Variants in NR0B2 observed in about 807,000 individuals in gnomAD.
NR0B2 encodes nuclear receptor subfamily 0 group B member 2.
In NR0B2, 17 loss-of-function variants were observed where a neutral mutation model predicts 18.9. The ratio of observed to expected loss-of-function variants is 0.90; its 90% CI spans 0.62 to 1.35. NR0B2 has a LOEUF of 1.35. Ranked by LOEUF, NR0B2 falls within the 40% of genes most tolerant of loss-of-function variation. The probability of loss-of-function intolerance (pLI) is 0.00; values close to 1 mark genes in which losing one functional copy is unlikely to be tolerated. For missense variants in NR0B2, 312 were observed against 333.3 expected, an observed-to-expected ratio of 0.94 and a Z score of 0.50; for synonymous variants, 116 against 138.5, an observed-to-expected ratio of 0.84 and a Z score of 1.14.
Position 26,913,558 on chromosome 1 carries a change from C to T in NR0B2, c.383G>A (p.Ser128Asn). 6.2e-7 allele frequency: 1 copy of T among 1,614,154 alleles called. No individual in the cohort carries two copies. ...TGGCAGTTGGCCACTGCCTCCACTG[C>T]TGCTGGGCTCCTCCAGCAGAATCTT... ...LKKILLEEPS[S>N]SGGSGQLPDR... Residue 128 changes from serine (S) to asparagine (N), a missense_variant, in exon 1 of 2, where the codon AGC becomes AAC. By Grantham distance (46) the Ser-to-Asn change is conservative. Coordinates refer to ENST00000254227, the MANE Select transcript of NR0B2 (RefSeq NM_021969.3).
At position 26,913,593 on chromosome 1, in the gene NR0B2, G is replaced by C; in HGVS notation, c.348C>G (p.Ser116Arg). Residue 116 changes from serine (S) to arginine (R), a missense_variant, in exon 1 of 2, where the codon AGC (serine) becomes AGG (arginine). Physicochemically the swap from Ser to Arg is moderately radical, Grantham distance 110. Transcript: ENST00000254227. Reference protein sequence around the residue: ...TFEVAEAPVPSILKKILLEEP... With the variant: ...TFEVAEAPVPRILKKILLEEP... ...CCTCCAGCAGAATCTTCTTGAGTAT[G>C]CTGGGCACCGGGGCCTCAGCCACCT... The C allele has an allele frequency of 6.2e-7, 1 of 1,614,084 alleles. No homozygotes were observed. The highest frequency in any genetic ancestry group is 8.5e-7 in the Non-Finnish European group (1 of 1,180,008).
Position 26,911,944 on chromosome 1 carries a change from C to G in NR0B2, c.675G>C (p.Lys225Asn). ...TRVLLTASTL[K>N]SIPTSLLGDL... is the part of the protein sequence containing the mutation. ...CCCCAAGCAGGCTGGTCGGAATGGA[C>G]TTGAGGGTGGAGGCCGTGAGGAGGA... Residue 225 changes from lysine to asparagine, a missense_variant, in exon 2 of 2, where the codon AAG becomes AAC. Transcript: ENST00000254227. The G allele has an allele frequency of 6.2e-7, 1 of 1,614,202 alleles. No homozygotes were observed. The highest frequency in any genetic ancestry group is 1.3e-5 in the African/African-American group (1 of 75,056).
Position 26,913,420 on chromosome 1 carries a change from AG to A in NR0B2, c.520del (p.Leu174SerfsTer41). The A allele has an allele frequency of 6.2e-7, 1 of 1,614,076 alleles. No individual in the cohort carries two copies. Among genetic ancestry groups the A allele is most frequent in the Non-Finnish European group, 8.5e-7 (1 of 1,179,988 alleles). On this transcript the variant is annotated frameshift_variant, in exon 1 of 2. Transcript: ENST00000254227. LOFTEE classifies it high-confidence loss of function. ...GTCTGGGAGCTCACCGGGGTTGAAG[AG>A]GATGGTCCCTTTCAGGCAGGCATAT... is the stretch of plus-strand genomic sequence containing the variant. ...KEYACLKGTI[L>X]FNPDVPGLQA...
rs934990812 is a variant in NR0B2 at position 26,911,586 on chromosome 1, C to A, written c.*259G>T. ...CCAATAAGCAGCCTAAGCTTTCATT[C>A]TCATCCCAAGAAGGGACAGGAGTCT... is the stretch of plus-strand genomic sequence containing the variant. On this transcript the variant is annotated 3_prime_UTR_variant, in exon 2 of 2. Transcript: ENST00000254227. The A allele has an allele frequency of 9.7e-6, 5 of 516,582 alleles. No individual in the cohort carries two copies. Among genetic ancestry groups the A allele is most frequent in the Admixed American group, 9.6e-5 (3 of 31,350 alleles). The allele number at this position is 516,582 out of a possible 1,614,324, so 32.0% of individuals were successfully genotyped here.
intron 1 of NR0B2, 113 bp from the exon 2 acceptor site, chr1:26,912,199 G>T: frequency 7.8e-7 from 1 of 1,274,676 alleles, no homozygotes; most frequent in South Asian, 1.4e-5. Context: ...TCCTTTGCTC[G>T]GCCTTTGAGG....
Position 26,913,489 on chromosome 1 carries a change from C to T in NR0B2, c.452G>A (p.Cys151Tyr), listed in dbSNP as rs1394811656. 6.2e-7 allele frequency: 1 copy of T among 1,613,894 alleles called. No individual in the cohort carries two copies. The highest frequency in any genetic ancestry group is 1.1e-5 in the South Asian group (1 of 91,066). The stretch of plus-strand genomic sequence containing the variant: ...CAGGCTCCAGAAGGACTCCAGACAG[C>T]ATTGAAGCCACTGCACCGCAGCCAG... Reference protein sequence around the residue: ...PSLAAVQWLQCCLESFWSLEL... With the variant: ...PSLAAVQWLQYCLESFWSLEL... Residue 151 changes from cysteine to tyrosine, a missense_variant, in exon 1 of 2, where the codon TGC becomes TAC. By Grantham distance (194) the Cys-to-Tyr change is radical. Coordinates refer to ENST00000254227, the MANE Select transcript of NR0B2 (RefSeq NM_021969.3).
intron 1 of NR0B2, among the ~76,000 whole-genome samples, chr1:26,913,079 G>A (rs1557666998): frequency 6.6e-6 from 1 of 152,194 alleles, no homozygotes; most frequent in Admixed American, 6.5e-5. Flanking sequence ...GGGGTTAGGA[G>A]TTCAAGACCA....
intron 1 of NR0B2, 45 bp from the exon 2 acceptor site, chr1:26,912,131 C>G (rs780573114): frequency 6.2e-7 from 1 of 1,609,764 alleles, no homozygotes; most frequent in East Asian, 2.2e-5. Flanking sequence ...ACCCTACTCC[C>G]AGCCACCAAA....
At position 26,913,844 on chromosome 1, in the gene NR0B2, G is replaced by C. The variant is rs1320595832; in HGVS notation, c.97C>G (p.Pro33Ala). 2.0e-6 allele frequency: 3 copies of C among 1,508,558 alleles called. No homozygotes were observed. Among genetic ancestry groups the C allele is most frequent in the African/African-American group, 1.4e-5 (1 of 71,562 alleles). 93.4% of individuals were successfully genotyped at this position (1,508,558 alleles called of 1,614,324 possible). ...ALLSSSLKAV[P>A]RPRSRCLCRQ... ...CATAGGCAGCGGCTACGGGGTCGGG[G>C]GACAGCCTTGAGGCTGGAGCTCAGA... The change falls in exon 1 of 2, where the codon CCC becomes GCC. Residue 33 changes from proline to alanine, a missense_variant. Coordinates refer to ENST00000254227, the MANE Select transcript of NR0B2 (RefSeq NM_021969.3).
rs770519115 is a variant in NR0B2 at position 26,913,635 on chromosome 1, T to C, written c.306A>G (p.Gln102=). Residue 102 remains glutamine (Q), a synonymous_variant, in exon 1 of 2, where the codon CAA becomes CAG. Coordinates refer to ENST00000254227, the MANE Select transcript of NR0B2 (RefSeq NM_021969.3). ...CAGCCACCTCAAAGGTCACAGCATC[T>C]TGGGCCAACCCAAGCAGGAAGAGGG... ...WGPLFLLGLA[Q]DAVTFEVAEA... is the part of the protein sequence containing the mutation. 1 of 1,613,976 alleles carries C rather than the reference T, an allele frequency of 6.2e-7. No homozygotes were observed.
chr1:26,913,807 C>G lies in NR0B2; in HGVS notation c.134G>C (p.Arg45Pro), dbSNP rs150546920. 2.3e-5 allele frequency: 35 copies of G among 1,526,314 alleles called. No homozygotes were observed. The East Asian group carries it at 6.4e-4, about 28-fold the overall frequency. 94.5% of individuals were successfully genotyped at this position (1,526,314 alleles called of 1,614,324 possible). Residue 45 changes from arginine (R) to proline (P), a missense_variant, in exon 1 of 2, where the codon CGG becomes CCG. Arg to Pro is a moderately radical substitution (Grantham distance 103). Coordinates refer to ENST00000254227, the MANE Select transcript of NR0B2 (RefSeq NM_021969.3). The part of the protein sequence containing the change: ...PRSRCLCRQH[R>P]PVQLCAPHRT... ...ATGAGGTGCACATAGCTGGACGGGC[C>G]GGTGCTGCCTACATAGGCAGCGGCT...
chr1:26,911,658 A>G lies in NR0B2; in HGVS notation c.*187T>C, dbSNP rs1045394011. On this transcript the variant is annotated 3_prime_UTR_variant, in exon 2 of 2. Coordinates refer to ENST00000254227, the MANE Select transcript of NR0B2 (RefSeq NM_021969.3). ...CACCAAAAGCCTCCCAGGCAGCTGGAACACTGTGTCCAAACCAAGGAAGTC... is the reference window on the plus strand; with the variant it reads ...CACCAAAAGCCTCCCAGGCAGCTGGGACACTGTGTCCAAACCAAGGAAGTC... 3 of 679,532 alleles carry G rather than the reference A, an allele frequency of 4.4e-6. No individual in the cohort carries two copies. The highest frequency in any genetic ancestry group is 5.2e-6 in the Non-Finnish European group (2 of 385,198). The allele number at this position is 679,532 out of a possible 1,614,324, so 42.1% of individuals were successfully genotyped here. A position where few individuals can be genotyped will look rare whatever the true frequency, so the allele number is the denominator to read the frequency against.
In NR0B2 at chr1:26,913,821, T is replaced by C. The variant is rs762370903; in HGVS notation, c.120A>G (p.Leu40=). ...GCTGGACGGGCCGGTGCTGCCTACA[T>C]AGGCAGCGGCTACGGGGTCGGGGGA... ...KAVPRPRSRC[L]CRQHRPVQLC... is the part of the protein sequence containing the mutation. Residue 40 remains leucine (L), a synonymous_variant, in exon 1 of 2, where the codon CTA becomes CTG. Transcript: ENST00000254227. 2.6e-6 allele frequency: 4 copies of C among 1,512,504 alleles called. No homozygotes were observed. The highest frequency in any genetic ancestry group is 3.5e-6 in the Non-Finnish European group (4 of 1,129,514). The allele number at this position is 1,512,504 out of a possible 1,614,324, so 93.7% of individuals were successfully genotyped here.
intron 1 of NR0B2, 29 bp downstream of exon 1, chr1:26,913,380 C>T (rs773392069): frequency 6.2e-7 from 1 of 1,611,952 alleles, no homozygotes; most frequent in Non-Finnish European, 8.5e-7. Flanking sequence ...TCAGCCTTGC[C>T]CCCCACCCAG....
At position 26,912,092 on chromosome 1, in the gene NR0B2, G is replaced by A; in HGVS notation, c.533-6C>T. The A allele has an allele frequency of 6.2e-7, 1 of 1,613,256 alleles. No homozygotes were observed. The highest frequency in any genetic ancestry group is 2.2e-5 in the East Asian group (1 of 44,874). On this transcript the variant is annotated splice_region_variant and splice_polypyrimidine_tract_variant and intron_variant, in intron 1 of 1. Transcript: ENST00000254227. The stretch of plus-strand genomic sequence containing the variant: ...GGCTTGGAGGCCTGGCACATCTGTG[G>A]GCAGAGAGGGAGAAGAGGGCTGGTG...
At chr1:26,912,415 G>A (rs1276981374) in intron 1 of NR0B2, among the ~76,000 whole-genome samples, 1 of 151,920 alleles carries the variant, frequency 6.6e-6, no homozygotes. Context: ...CTGTAAAACG[G>A]GAATAATAAT....
In NR0B2 at chr1:26,913,644, C is replaced by T. The variant is rs758902383; in HGVS notation, c.297G>A (p.Gly99=). 5 of 1,613,834 alleles carry T rather than the reference C, an allele frequency of 3.1e-6. No individual in the cohort carries two copies. The highest frequency in any genetic ancestry group is 2.2e-5 in the East Asian group (1 of 44,748). The change falls in exon 1 of 2, where the codon GGG becomes GGA. Residue 99 remains glycine (G), a synonymous_variant. Coordinates refer to ENST00000254227, the MANE Select transcript of NR0B2 (RefSeq NM_021969.3). ...CAAAGGTCACAGCATCTTGGGCCAA[C>T]CCAAGCAGGAAGAGGGGGCCCCAGC... ...QGCWGPLFLL[G]LAQDAVTFEV...
intron 1 of NR0B2, among the ~76,000 whole-genome samples, chr1:26,912,888 T>C (rs1422353873): frequency 6.6e-6 from 1 of 152,204 alleles, no homozygotes; most frequent in Non-Finnish European, 1.5e-5. Context: ...CTGGAGTGAA[T>C]AGACCTGAGT....
chr1:26,913,681 A>C lies in NR0B2; in HGVS notation c.260T>G (p.Leu87Arg), dbSNP rs754215923. ...WQLPPQDQRRLLQGCWGPLFL... is the reference protein window; with the variant it reads ...WQLPPQDQRRRLQGCWGPLFL... ...GAGGGGGCCCCAGCAACCCTGCAGCAGCCGCCGCTGGTCCTGGGGAGGCAG... is the reference window on the plus strand; with the variant it reads ...GAGGGGGCCCCAGCAACCCTGCAGCCGCCGCCGCTGGTCCTGGGGAGGCAG... The change falls in exon 1 of 2, where the codon CTG becomes CGG. Residue 87 changes from leucine (L) to arginine (R), a missense_variant. By Grantham distance (102) the Leu-to-Arg change is moderately radical (BLOSUM62 -2). Coordinates refer to ENST00000254227, the MANE Select transcript of NR0B2 (RefSeq NM_021969.3). The C allele has an allele frequency of 6.2e-6, 10 of 1,612,876 alleles. No individual in the cohort carries two copies. Among genetic ancestry groups the C allele is most frequent in the African/African-American group, 2.7e-5 (2 of 74,918 alleles).
Sources: allele counts gnomAD v4.1 joint callset (sites outside exome capture counted in the v4.1 genomes callset), GRCh38; gene constraint gnomAD v4.1.1; transcripts MANE v1.5; gene names NCBI Gene and HGNC (gene_info 2026-07-23, HGNC 2026-07-21).